INPP4B: variants seen among roughly 807,000 people sequenced by gnomAD.
INPP4B encodes inositol polyphosphate 4-phosphatase type II.
Under a neutral mutation model 122.5 loss-of-function variants are expected in INPP4B, and 55 were observed. The observed-to-expected ratio is 0.45, with a 90% CI of 0.36 to 0.56. INPP4B has a LOEUF of 0.56. INPP4B is among the 20% of genes least tolerant of loss of function. The pLI is 0.00. For missense variants in INPP4B, 1,000 were observed against 1,097.7 expected, an observed-to-expected ratio of 0.91 and a Z score of 1.26; for synonymous variants, 403 against 388.7, an observed-to-expected ratio of 1.04 and a Z score of -0.43.
At chr4:142,383,788 G>A (rs1579912079) in intron 7 of INPP4B, 1 of 356,076 alleles carries the variant, frequency 2.8e-6, no homozygotes, top group East Asian at 4.4e-5. Context: ...CAGGCAGGAG[G>A]GAAAGGAGAG....
intron 2 of INPP4B, among the ~76,000 whole-genome samples, chr4:142,692,269 AT>A (rs2150727024): frequency 6.6e-6 from 1 of 152,340 alleles, no homozygotes; most frequent in African/African-American, 2.4e-5. Context: ...CAAACAAAAA[AT>A]ACTGGAGTAG....
rs934213027 is a variant in INPP4B at position 142,692,936 on chromosome 4, T to TAGATAGATAGATAGATAGATAGAC, written c.-191+32902_-191+32903insGTCTATCTATCTATCTATCTATCT. 1.0e-3 allele frequency among the ~76,000 whole-genome samples: 153 copies of TAGATAGATAGATAGATAGATAGAC among 150,270 alleles called. 1 individual carries two copies. Among genetic ancestry groups the TAGATAGATAGATAGATAGATAGAC allele is most frequent in the African/African-American group, 3.5e-3 (141 of 40,184 alleles). ...CTCTATAGATAGATAGATAGATAGA[T>TAGATAGATAGATAGATAGATAGAC]ACATAGATACATAGATAGAGATAGA... On this transcript the variant is annotated intron_variant, in intron 2 of 25. Coordinates refer to ENST00000262992, the MANE Select transcript of INPP4B (RefSeq NM_001101669.3).
intron 2 of INPP4B, among the ~76,000 whole-genome samples, chr4:142,509,591 T>G (rs1369797642): frequency 6.6e-6 from 1 of 152,204 alleles, no homozygotes; most frequent in African/African-American, 2.4e-5. Context: ...TACTCCATGG[T>G]GTATATGTGC....
intron 17 of INPP4B, among the ~76,000 whole-genome samples, chr4:142,152,447 A>C (rs888464052): frequency 3.2e-4 from 49 of 151,830 alleles, no homozygotes; most frequent in African/African-American, 1.1e-3. Context: ...TTTCATTCTC[A>C]TGTCTTAGTC....
chr4:142,739,703 A>G (rs1354880011), intron 1 of INPP4B, among the ~76,000 whole-genome samples: 2 of 152,034 alleles, frequency 1.3e-5, no homozygotes, highest in African/African-American at 2.4e-5. Context: ...TTTAGCATCA[A>G]TGCAGGAGGC....
At chr4:142,176,840 G>A (rs1828544123) in intron 15 of INPP4B, among the ~76,000 whole-genome samples, 1 of 152,062 alleles carries the variant, frequency 6.6e-6, no homozygotes, top group Non-Finnish European at 1.5e-5. Context: ...CTAAACCCTT[G>A]ATCATGCTAC....
chr4:142,799,465 C>T (rs1209850545), intron 1 of INPP4B, among the ~76,000 whole-genome samples: 1 of 151,738 alleles, frequency 6.6e-6, no homozygotes, highest in Admixed American at 6.6e-5. Context: ...GAAATTACAA[C>T]ACAGCTAATA....
At chr4:142,223,189 C>T (rs187141029) in intron 12 of INPP4B, among the ~76,000 whole-genome samples, 31 of 151,010 alleles carry the variant, frequency 2.1e-4, no homozygotes, top group African/African-American at 6.9e-4. Flanking sequence ...CACATATGTG[C>T]ATGCACACAC....
At chr4:142,521,683 G>A (rs1472114540) in intron 2 of INPP4B, among the ~76,000 whole-genome samples, 4 of 151,844 alleles carry the variant, frequency 2.6e-5, no homozygotes, top group Non-Finnish European at 5.9e-5. Context: ...TATTCTTCTT[G>A]TCCATGATTT....
chr4:142,478,029 G>A (rs759424585), intron 2 of INPP4B, among the ~76,000 whole-genome samples: 2 of 152,092 alleles, frequency 1.3e-5, no homozygotes, highest in Non-Finnish European at 2.9e-5. Flanking sequence ...TCTTGAACTC[G>A]TGAGCTCAAG....
intron 7 of INPP4B, among the ~76,000 whole-genome samples, chr4:142,376,304 T>C (rs1253154548): frequency 2.0e-5 from 3 of 152,012 alleles, no homozygotes; most frequent in Admixed American, 6.6e-5. Context: ...TAAGATCTCA[T>C]GATGACCTGA....
chr4:142,717,907 C>CAAAAAAAAAAAAAAAAAAAAAAAAA (rs33932611), intron 2 of INPP4B, among the ~76,000 whole-genome samples: 2 of 58,544 alleles, frequency 3.4e-5, no homozygotes, highest in African/African-American at 4.9e-5. Context: ...AAAAAGAAAG[C>CAAAAAAAAAAAAAAAAAAAAAAAAA]AAAAAAAAAA....
In INPP4B at chr4:142,314,778, T is replaced by C. The variant is rs747572275; in HGVS notation, c.373-16A>G. The stretch of plus-strand genomic sequence containing the variant: ...TGGTTCGAACCTGTGGAGAAAAACA[T>C]TTTCTGTAAGACTTTGGAGTAGAAA... On this transcript the variant is annotated splice_polypyrimidine_tract_variant and intron_variant, in intron 7 of 25. Transcript: ENST00000262992. The C allele has an allele frequency of 6.3e-7, 1 of 1,591,732 alleles. No homozygotes were observed.
intron 1 of INPP4B, among the ~76,000 whole-genome samples, chr4:142,734,938 C>A (rs1044420939): frequency 6.6e-6 from 1 of 152,124 alleles, no homozygotes; most frequent in Non-Finnish European, 1.5e-5. Context: ...AGCCACCATG[C>A]CTGGCCGATT....
chr4:142,032,583 A>G (rs1406433459), intron 25 of INPP4B, among the ~76,000 whole-genome samples: 2 of 152,210 alleles, frequency 1.3e-5, no homozygotes, highest in African/African-American at 2.4e-5. Context: ...TGTATTTCAA[A>G]AAATATATAT....
At chr4:142,063,997 G>A (rs1299015989) in intron 25 of INPP4B, among the ~76,000 whole-genome samples, 8 of 152,084 alleles carry the variant, frequency 5.3e-5, no homozygotes, top group African/African-American at 1.7e-4. Context: ...GGTTATAACT[G>A]ACTACATGAA....
intron 2 of INPP4B, among the ~76,000 whole-genome samples, chr4:142,504,815 A>T (rs1823802242): frequency 6.6e-6 from 1 of 152,102 alleles, no homozygotes; most frequent in African/African-American, 2.4e-5. Flanking sequence ...TATTTATATT[A>T]TTAATAGTAT....
intron 1 of INPP4B, among the ~76,000 whole-genome samples, chr4:142,790,902 G>T (rs1776456705): frequency 1.3e-5 from 2 of 151,820 alleles, no homozygotes; most frequent in Non-Finnish European, 2.9e-5. Flanking sequence ...ACCGGTAAAT[G>T]AACCCCACAC....
chr4:142,036,981 T>A (rs1560894980), intron 25 of INPP4B, among the ~76,000 whole-genome samples: 1 of 152,162 alleles, frequency 6.6e-6, no homozygotes, highest in Non-Finnish European at 1.5e-5. Flanking sequence ...AGTAATAACA[T>A]TAGTAACTTC....
Sources: allele counts gnomAD v4.1 joint callset (sites outside exome capture counted in the v4.1 genomes callset), GRCh38; gene constraint gnomAD v4.1.1; transcripts MANE v1.5; gene names NCBI Gene and HGNC (gene_info 2026-07-23, HGNC 2026-07-21).